The following SPTAN1 variants were observed in gnomAD, a reference collection of about 807,000 sequenced individuals.
The protein encoded by SPTAN1 is spectrin alpha chain, non-erythrocytic 1.
A neutral mutation model predicts 331.3 loss-of-function variants in SPTAN1; 61 were observed. That is an observed-to-expected ratio of 0.18 (90% CI 0.15 to 0.23). The LOEUF (loss-of-function observed/expected upper bound fraction) is 0.23, where lower values mean the gene tolerates loss of function less well. Among genes scored for constraint, SPTAN1 ranks in the 10% least tolerant of loss-of-function variants. The pLI, the probability that SPTAN1 is intolerant of heterozygous loss-of-function variation, is 1.00. For synonymous variants in SPTAN1, 1,153 were observed against 1,173.9 expected (o/e 0.98, Z 0.36); for missense variants, 2,043 against 3,147.9 (o/e 0.65, Z 8.40).
rs139113273 is a variant in SPTAN1, at chr9:128,608,909, C to A, written c.4527C>A (p.Asp1509Glu). Residue 1509 changes from aspartate to glutamate, a missense_variant, in exon 35 of 57, where the codon GAC becomes GAA. Asp to Glu is a conservative substitution (Grantham distance 45, BLOSUM62 2). This residue lies in a region of SPTAN1 where 40 missense variants were observed against 32.6 expected (regional missense o/e 1.23). Coordinates refer to ENST00000372739, the MANE Select transcript of SPTAN1 (RefSeq NM_001130438.3). ...EKIAALQAFA[D>E]QLIAAGHYAK... ...TTGCTGCTCTGCAGGCCTTTGCCGA[C>A]CAGCTCATCGCTGCCGGCCATTATG... 1.5e-5 allele frequency: 25 copies of A among 1,614,094 alleles called. No individual in the cohort carries two copies. In the African/African-American group the frequency reaches 2.9e-4, roughly 19 times the overall value.
intron 1 of SPTAN1, chr9:128,553,493 C>T (rs1488516907): frequency 2.6e-5 from 4 of 152,150 alleles, no homozygotes; most frequent in Non-Finnish European, 5.9e-5. Context: ...TCTACCATAC[C>T]ACTGTTGAAT....
intron 41 of SPTAN1, among the ~76,000 whole-genome samples, chr9:128,617,433 A>G (rs879371210): frequency 2.0e-5 from 3 of 152,104 alleles, no homozygotes; most frequent in Non-Finnish European, 4.4e-5. Flanking sequence ...ATCCGGACAC[A>G]CAGCAGGGCT....
chr9:128,624,306 T>G (rs1388031547), intron 45 of SPTAN1, 22 bp from the exon 46 acceptor site: 1 of 1,613,622 alleles, frequency 6.2e-7, no homozygotes. Flanking sequence ...CTGACCAGTG[T>G]GTGCCTCTCT....
chr9:128,615,869 C>T, intron 41 of SPTAN1, 29 bp downstream of exon 41: 1 of 1,611,158 alleles, frequency 6.2e-7, no homozygotes, highest in Non-Finnish European at 8.5e-7. Context: ...CTAGAAGGCC[C>T]CTTACGCCTG....
rs1851466214 is a variant in SPTAN1, at chr9:128,577,695, G to T, written c.1085+189G>T. 6.6e-6 allele frequency among the ~76,000 whole-genome samples: 1 copy of T among 152,176 alleles called. No homozygotes were observed. Among genetic ancestry groups the T allele is most frequent in the East Asian group, 1.9e-4 (1 of 5,198 alleles). Reference sequence around the variant, plus strand: ...CTGTATCATGTGTAGTATACGTATGGTATTTACAACTTCATAAATTCTTCT... The same window carrying T: ...CTGTATCATGTGTAGTATACGTATGTTATTTACAACTTCATAAATTCTTCT... On this transcript the variant is annotated intron_variant, in intron 8 of 56. Transcript: ENST00000372739. This position sits in a 1 kb window ranked among gnomAD's most constrained non-coding sequence, Gnocchi z 4.2.
intron 44 of SPTAN1, among the ~76,000 whole-genome samples, chr9:128,619,263 T>C (rs1564300925): frequency 6.6e-6 from 1 of 152,134 alleles, no homozygotes. Flanking sequence ...TGGGCTTGAG[T>C]CTTCATATCA....
chr9:128,618,360 A>ATCACACATGAATCACACATGAT (rs1857433248), intron 43 of SPTAN1, among the ~76,000 whole-genome samples: 1 of 152,132 alleles, frequency 6.6e-6, no homozygotes, highest in Admixed American at 6.5e-5. Flanking sequence ...TCACACATGA[A>ATCACACATGAATCACACATGAT]TCACACATGA....
intron 44 of SPTAN1, 113 bp downstream of exon 44, chr9:128,619,116 G>A: frequency 6.6e-7 from 1 of 1,505,848 alleles, no homozygotes; most frequent in Non-Finnish European, 9.1e-7. Context: ...GAGCACACAG[G>A]GCCAGCAGCC....
Position 128,600,101 on chromosome 9 carries a change from G to C in SPTAN1, c.3565G>C (p.Ala1189Pro). ...ATAGGATGAAACTGATTCCAAGACA[G>C]CCTCCCCGTGGAAGGTAAGAACTCC... ...MPRDETDSKTASPWKSARLMV... is the reference protein window; with the variant it reads ...MPRDETDSKTPSPWKSARLMV... The change falls in exon 27 of 57, where the codon GCC becomes CCC. Residue 1189 changes from alanine to proline, a missense_variant. Physicochemically the swap from Ala to Pro is conservative, Grantham distance 27. This residue lies in a region of SPTAN1 where 1,038 missense variants were observed against 1,531.5 expected (regional missense o/e 0.68). Transcript: ENST00000372739. 6.2e-7 allele frequency: 1 copy of C among 1,614,228 alleles called. No homozygotes were observed. The highest frequency in any genetic ancestry group is 8.5e-7 in the Non-Finnish European group (1 of 1,180,040).
intron 45 of SPTAN1, among the ~76,000 whole-genome samples, chr9:128,624,032 G>A (rs1357001062): frequency 7.4e-6 from 1 of 135,934 alleles, no homozygotes; most frequent in Non-Finnish European, 1.5e-5. Context: ...GCAGTGAGCC[G>A]AGATCACGCC....
intron 37 of SPTAN1, 107 bp downstream of exon 37, chr9:128,609,772 C>T (rs555244439): frequency 1.4e-6 from 1 of 692,560 alleles, no homozygotes; most frequent in East Asian, 2.9e-5. Flanking sequence ...GCTGGTGTCT[C>T]TTCATCCATC....
At chr9:128,611,554 A>G in intron 37 of SPTAN1, 160 bp from the exon 38 acceptor site, 1 of 820,800 alleles carries the variant, frequency 1.2e-6, no homozygotes, top group South Asian at 1.5e-5. Flanking sequence ...TGAACCCTAA[A>G]ATATTTCATA....
intron 1 of SPTAN1, among the ~76,000 whole-genome samples, chr9:128,562,465 G>A (rs1849489187): frequency 6.6e-6 from 1 of 152,116 alleles, no homozygotes; most frequent in African/African-American, 2.4e-5. Flanking sequence ...CCTGGGAAAG[G>A]GAACTTTTTG....
At chr9:128,590,915 A>C (rs1309784772) in intron 21 of SPTAN1, among the ~76,000 whole-genome samples, 1 of 152,176 alleles carries the variant, frequency 6.6e-6, no homozygotes, top group East Asian at 1.9e-4. Flanking sequence ...CTACAGTGTT[A>C]GCACAGCTCT....
intron 23 of SPTAN1, 107 bp downstream of exon 23, chr9:128,593,149 G>T: frequency 1.6e-6 from 2 of 1,267,188 alleles, no homozygotes. Flanking sequence ...AAGATGAGGT[G>T]GTGGGAGGAA....
chr9:128,623,906 T>G, intron 45 of SPTAN1, among the ~76,000 whole-genome samples: 1 of 151,472 alleles, frequency 6.6e-6, no homozygotes, highest in East Asian at 2.0e-4. Context: ...ACCAACATGG[T>G]GAAACCCCCA....
chr9:128,606,153 C>G, intron 31 of SPTAN1, among the ~76,000 whole-genome samples: 1 of 151,344 alleles, frequency 6.6e-6, no homozygotes, highest in Non-Finnish European at 1.5e-5. Flanking sequence ...AGGTGGATCA[C>G]GAGGTCAGGA....
In SPTAN1 at chr9:128,576,906, G is replaced by C. The variant is rs1292922061; in HGVS notation, c.735G>C (p.Leu245=). The C allele has an allele frequency of 6.2e-7, 1 of 1,614,174 alleles. No individual in the cohort carries two copies. The highest frequency in any genetic ancestry group is 8.5e-7 in the Non-Finnish European group (1 of 1,180,046). The change falls in exon 6 of 57, where the codon CTG becomes CTC. Residue 245 remains leucine (L), a synonymous_variant. Transcript: ENST00000372739. ...GGCAGCGGCTGAAGGGCCTGGCTCTGCAGAGGCAGGGGAAGCTCTTTGGGG... is the reference window on the plus strand; with the variant it reads ...GGCAGCGGCTGAAGGGCCTGGCTCTCCAGAGGCAGGGGAAGCTCTTTGGGG... The part of the protein sequence containing the change: ...AAWQRLKGLA[L]QRQGKLFGAA...
chr9:128,627,662 G>C lies in SPTAN1; in HGVS notation c.6689+164G>C. On this transcript the variant is annotated intron_variant, in intron 50 of 56. Coordinates refer to ENST00000372739, the MANE Select transcript of SPTAN1 (RefSeq NM_001130438.3). This position sits in a 1 kb window ranked among gnomAD's most constrained non-coding sequence, Gnocchi z 4.9. ...CTGGTCGGGCTCTGGAGCCGGGAGT[G>C]GGGGCATAGGTGGAGCAGCCTCTCA... 1.2e-6 allele frequency: 1 copy of C among 803,798 alleles called. No homozygotes were observed. Among genetic ancestry groups the C allele is most frequent in the South Asian group, 1.5e-5 (1 of 66,696 alleles). 49.8% of individuals were successfully genotyped at this position (803,798 alleles called of 1,614,324 possible).
Sources: gnomAD v4.1 joint callset for allele counts (sites outside exome capture counted in the v4.1 genomes callset) on GRCh38, gnomAD v4.1.1 for gene constraint, gnomAD v4.1.1 regional missense constraint, Gnocchi (gnomAD v3.1) non-coding constraint, MANE v1.5 for transcripts, NCBI Gene and HGNC (gene_info 2026-07-23, HGNC 2026-07-21) for gene names.